Variants in CMPK1 observed in about 807,000 individuals in gnomAD.
The protein encoded by CMPK1 is cytidine/uridine monophosphate kinase 1.
Under a neutral mutation model 25.7 loss-of-function variants are expected in CMPK1, and 10 were observed. That is an observed-to-expected ratio of 0.39 (90% CI 0.24 to 0.66). CMPK1 has a LOEUF of 0.66. Among genes scored for constraint, CMPK1 ranks in the 30% least tolerant of loss-of-function variants. CMPK1 has a pLI of 0.48. For missense variants in CMPK1, 199 were observed against 280.5 expected (o/e 0.71, Z 2.08); for synonymous variants, 106 against 101.5 (o/e 1.04, Z -0.27).
At chr1:47,355,549 G>A (rs192991358) in intron 1 of CMPK1, among the ~76,000 whole-genome samples, 43 of 151,962 alleles carry the variant, frequency 2.8e-4, no homozygotes, top group East Asian at 1.5e-3. Flanking sequence ...TCCTGACCTC[G>A]TAATCCACCC....
chr1:47,337,877 C>T (rs1646410859), intron 1 of CMPK1, among the ~76,000 whole-genome samples: 1 of 152,146 alleles, frequency 6.6e-6, no homozygotes, highest in South Asian at 2.1e-4. Flanking sequence ...TCCCAAAGTG[C>T]TGGGATTACA....
intron 1 of CMPK1, among the ~76,000 whole-genome samples, chr1:47,346,120 G>C (rs1646481793): frequency 6.6e-6 from 1 of 151,940 alleles, no homozygotes; most frequent in East Asian, 2.0e-4. Flanking sequence ...CTCCATCTTG[G>C]CTCACTGCAA....
At position 47,350,676 on chromosome 1, in the gene CMPK1, C is replaced by T. The variant is rs186707866; in HGVS notation, c.171+16560C>T. Among the ~76,000 whole-genome samples the T allele has an allele frequency of 6.4e-3, 979 of 152,008 alleles. 11 individuals carry two copies. Among genetic ancestry groups the T allele is most frequent in the African/African-American group, 0.022 (921 of 41,470 alleles). ...TTGGGAGGCTGAGGTGGGCGAATCA[C>T]GAGGTCAGGAGTTCGAGACCAGCCT... On this transcript the variant is annotated intron_variant, in intron 1 of 5. Transcript: ENST00000371873.
At chr1:47,348,073 GATTGTAA>G (rs1342264820) in intron 1 of CMPK1, among the ~76,000 whole-genome samples, 3 of 119,990 alleles carry the variant, frequency 2.5e-5, no homozygotes, top group Non-Finnish European at 6.0e-5. Context: ...AATGCAAAAG[GATTGTAA>G]TCACTGAAGA....
chr1:47,352,782 C>A (rs1646531969), intron 1 of CMPK1, among the ~76,000 whole-genome samples: 1 of 152,070 alleles, frequency 6.6e-6, no homozygotes, highest in African/African-American at 2.4e-5. Context: ...CCCATGTAGT[C>A]TGCTGTACAT....
At chr1:47,352,226 A>G (rs1207783188) in intron 1 of CMPK1, among the ~76,000 whole-genome samples, 1 of 152,200 alleles carries the variant, frequency 6.6e-6, no homozygotes, top group Non-Finnish European at 1.5e-5. Flanking sequence ...TATTTCAAAG[A>G]TAAGCCCCTA....
At chr1:47,350,001 TC>T (rs1483080894) in intron 1 of CMPK1, among the ~76,000 whole-genome samples, 1 of 152,174 alleles carries the variant, frequency 6.6e-6, no homozygotes, top group African/African-American at 2.4e-5. Context: ...AGATGGAGTT[TC>T]GCCATGTTGG....
chr1:47,342,943 C>T (rs1175473797), intron 1 of CMPK1, among the ~76,000 whole-genome samples: 3 of 151,620 alleles, frequency 2.0e-5, no homozygotes, highest in South Asian at 2.1e-4. Context: ...CCACTGCGCC[C>T]GGCAATTCTT....
intron 3 of CMPK1, among the ~76,000 whole-genome samples, chr1:47,373,824 G>A (rs796800471): frequency 3.9e-4 from 59 of 151,990 alleles, no homozygotes; most frequent in African/African-American, 1.3e-3. Flanking sequence ...GAAACATACA[G>A]GATAGCCTGA....
intron 1 of CMPK1, among the ~76,000 whole-genome samples, chr1:47,354,618 T>G (rs1646546423): frequency 6.7e-6 from 1 of 149,380 alleles, no homozygotes; most frequent in South Asian, 2.1e-4. Context: ...TTTTTTTTTT[T>G]GCTTAGCAGT....
intron 1 of CMPK1, among the ~76,000 whole-genome samples, chr1:47,344,245 C>T (rs1361183224): frequency 6.6e-6 from 1 of 151,992 alleles, no homozygotes; most frequent in Non-Finnish European, 1.5e-5. Context: ...TTTAATGAGT[C>T]AGGGAGGGCT....
At chr1:47,341,002 C>T (rs2149324932) in intron 1 of CMPK1, among the ~76,000 whole-genome samples, 1 of 152,192 alleles carries the variant, frequency 6.6e-6, no homozygotes, top group African/African-American at 2.4e-5. Flanking sequence ...TTCAGAAGCA[C>T]CACTGTTTGA....
chr1:47,345,829 C>T (rs1274768831), intron 1 of CMPK1, among the ~76,000 whole-genome samples: 1 of 151,296 alleles, frequency 6.6e-6, no homozygotes, highest in Non-Finnish European at 1.5e-5. Flanking sequence ...GATCTTGGCT[C>T]ACTGCAACCT....
chr1:47,367,409 C>T (rs948499250), intron 1 of CMPK1, among the ~76,000 whole-genome samples: 15 of 152,056 alleles, frequency 9.9e-5, no homozygotes, highest in Admixed American at 3.9e-4. Context: ...TTCTGTAATC[C>T]GAAAACAGAA....
intron 5 of CMPK1, among the ~76,000 whole-genome samples, 176 bp from the exon 6 acceptor site, chr1:47,376,528 C>T (rs1174711706): frequency 6.6e-6 from 1 of 152,084 alleles, no homozygotes; most frequent in African/African-American, 2.4e-5. Context: ...GTTGGCCAGG[C>T]TGGTCTTGAA....
chr1:47,346,899 T>C (rs1278806618), intron 1 of CMPK1, among the ~76,000 whole-genome samples: 1 of 150,146 alleles, frequency 6.7e-6, no homozygotes, highest in East Asian at 2.0e-4. Context: ...TTCTCCTGCC[T>C]TAGCCTCCCA....
chr1:47,342,146 A>G (rs1646445855), intron 1 of CMPK1, among the ~76,000 whole-genome samples: 1 of 151,286 alleles, frequency 6.6e-6, no homozygotes, highest in African/African-American at 2.4e-5. Context: ...CAGTGGGGTG[A>G]TCTCGGCTCA....
intron 1 of CMPK1, among the ~76,000 whole-genome samples, chr1:47,338,468 A>G (rs1306612344): frequency 6.6e-6 from 1 of 150,640 alleles, no homozygotes; most frequent in African/African-American, 2.5e-5. Context: ...ATTTATTTGT[A>G]CTGATGTTTT....
chr1:47,358,681 G>A, intron 1 of CMPK1: 1 of 985,818 alleles, frequency 1.0e-6, no homozygotes, highest in Non-Finnish European at 1.2e-6. Flanking sequence ...GTGATTTCAT[G>A]TAAGGTTCAG....
Sources: allele counts gnomAD v4.1 joint callset (sites outside exome capture counted in the v4.1 genomes callset), GRCh38; gene constraint gnomAD v4.1.1; transcripts MANE v1.5; gene names NCBI Gene and HGNC (gene_info 2026-07-23, HGNC 2026-07-21).